Variants in CRISPLD1 observed in about 807,000 individuals in gnomAD.
The protein encoded by CRISPLD1 is cysteine rich secretory protein LCCL domain containing 1, also known as cysteine-rich secretory protein LCCL domain-containing 1.
In CRISPLD1, 60 loss-of-function variants were observed where a neutral mutation model predicts 77.5. The observed-to-expected ratio is 0.77, with a 90% CI of 0.63 to 0.96. CRISPLD1 has a LOEUF of 0.96. CRISPLD1 is among the 40% of genes least tolerant of loss of function. CRISPLD1 has a pLI of 0.00. For missense variants in CRISPLD1, 623 were observed against 615.8 expected (o/e 1.01, Z -0.12); for synonymous variants, 195 against 200.1 (o/e 0.97, Z 0.22).
Position 75,016,598 on chromosome 8 carries a change from A to G in CRISPLD1, c.761A>G (p.Glu254Gly), listed in dbSNP as rs1220907428. 4 of 1,613,466 alleles carry G rather than the reference A, an allele frequency of 2.5e-6. No individual in the cohort carries two copies. Among genetic ancestry groups the G allele is most frequent in the Non-Finnish European group, 3.4e-6 (4 of 1,179,506 alleles). ...GSDRYYPPRE[E>G]ETNEIERQQS... ...GACAGGTATTATCCCCCTCGAGAAGAGGAAACAAATGAAATAGAACGACAG... is the reference window on the plus strand; with the variant it reads ...GACAGGTATTATCCCCCTCGAGAAGGGGAAACAAATGAAATAGAACGACAG... The change falls in exon 7 of 15, where the codon GAG becomes GGG. Residue 254 changes from glutamate to glycine, a missense_variant. Physicochemically the swap from Glu to Gly is moderately conservative, Grantham distance 98. Coordinates refer to ENST00000262207, the MANE Select transcript of CRISPLD1 (RefSeq NM_031461.6).
intron 2 of CRISPLD1, among the ~76,000 whole-genome samples, chr8:74,995,017 ATATATGGAG>A (rs1812625484): frequency 6.6e-6 from 1 of 152,176 alleles, no homozygotes; most frequent in South Asian, 2.1e-4. Context: ...AAGGCAGTTA[ATATATGGAG>A]GCCAATCTTG....
intron 2 of CRISPLD1, among the ~76,000 whole-genome samples, chr8:75,008,751 C>A (rs566544327): frequency 6.6e-5 from 10 of 152,054 alleles, no homozygotes; most frequent in Non-Finnish European, 1.5e-4. Flanking sequence ...TAAATAAAAT[C>A]ATAAGTCATA....
intron 13 of CRISPLD1, among the ~76,000 whole-genome samples, chr8:75,025,988 A>G (rs1018496459): frequency 6.6e-6 from 1 of 152,186 alleles, no homozygotes. Context: ...CAATATCTTC[A>G]CTGCCAAACG....
At position 74,985,977 on chromosome 8, in the gene CRISPLD1, G is replaced by A. The variant is rs1471049933; in HGVS notation, c.-11G>A. ...GGAGATTTTCCTGGGGAAATCCTGA[G>A]GTCATTCATTATGAAGTGTACCGCG... On this transcript the variant is annotated 5_prime_UTR_variant, in exon 2 of 15. Coordinates refer to ENST00000262207, the MANE Select transcript of CRISPLD1 (RefSeq NM_031461.6). The A allele has an allele frequency of 1.2e-6, 2 of 1,605,144 alleles. No homozygotes were observed. Among genetic ancestry groups the A allele is most frequent in the African/African-American group, 1.3e-5 (1 of 74,818 alleles).
At chr8:74,996,180 G>A (rs1157114867) in intron 2 of CRISPLD1, among the ~76,000 whole-genome samples, 1 of 151,350 alleles carries the variant, frequency 6.6e-6, no homozygotes, top group African/African-American at 2.4e-5. Context: ...AATTCAAGTG[G>A]TAATGAATTA....
chr8:75,027,457 TC>T (rs1813253509), intron 13 of CRISPLD1, among the ~76,000 whole-genome samples: 1 of 152,236 alleles, frequency 6.6e-6, no homozygotes. Flanking sequence ...TGAAAGTCTT[TC>T]AAAATATCCT....
At chr8:75,023,947 T>C (rs1227853545) in intron 12 of CRISPLD1, among the ~76,000 whole-genome samples, 1 of 152,198 alleles carries the variant, frequency 6.6e-6, no homozygotes, top group African/African-American at 2.4e-5. Flanking sequence ...AAAAAGCTTT[T>C]GGTCATATTG....
chr8:74,985,563 T>C (rs1235640408), intron 1 of CRISPLD1, among the ~76,000 whole-genome samples: 1 of 152,212 alleles, frequency 6.6e-6, no homozygotes, highest in Non-Finnish European at 1.5e-5. Flanking sequence ...TCAAACGTTC[T>C]AGGTAGATAT....
intron 14 of CRISPLD1, among the ~76,000 whole-genome samples, chr8:75,031,120 A>T (rs1813335331): frequency 6.6e-6 from 1 of 152,012 alleles, no homozygotes; most frequent in Non-Finnish European, 1.5e-5. Context: ...GTTTCTCATA[A>T]ATAAAATGGC....
intron 2 of CRISPLD1, among the ~76,000 whole-genome samples, chr8:75,004,948 TACTC>T (rs1812803676): frequency 6.6e-6 from 1 of 152,166 alleles, no homozygotes; most frequent in African/African-American, 2.4e-5. Flanking sequence ...ATTATCTTCT[TACTC>T]AACTAAATGG....
chr8:75,027,192 C>T (rs986644336), intron 13 of CRISPLD1, among the ~76,000 whole-genome samples: 2 of 152,152 alleles, frequency 1.3e-5, no homozygotes, highest in African/African-American at 4.8e-5. Context: ...GTTATTCATT[C>T]ATCATTTTGT....
rs1358530184 is a variant in CRISPLD1, at chr8:75,032,627, A to G, written c.*385A>G. The G allele has an allele frequency of 1.3e-5, 2 of 155,896 alleles. No homozygotes were observed. The highest frequency in any genetic ancestry group is 2.8e-5 in the Non-Finnish European group (2 of 70,384). The allele number at this position is 155,896 out of a possible 1,614,324, so 9.7% of individuals were successfully genotyped here. A position where few individuals can be genotyped will look rare whatever the true frequency, so the allele number is the denominator to read the frequency against. ...CAGAAAATCATCTAGTGCATTTAAA[A>G]ATAATCGACTCTAAAACTGAAAGAA... On this transcript the variant is annotated 3_prime_UTR_variant, in exon 15 of 15. Coordinates refer to ENST00000262207, the MANE Select transcript of CRISPLD1 (RefSeq NM_031461.6).
intron 6 of CRISPLD1, among the ~76,000 whole-genome samples, chr8:75,016,004 A>T (rs536686495): frequency 3.2e-4 from 48 of 152,274 alleles, no homozygotes; most frequent in African/African-American, 1.2e-3. Context: ...GGAAATAAAC[A>T]TTAAATTCAA....
intron 2 of CRISPLD1, among the ~76,000 whole-genome samples, chr8:74,992,406 A>G (rs1812585652): frequency 6.6e-6 from 1 of 152,236 alleles, no homozygotes; most frequent in African/African-American, 2.4e-5. Context: ...AATTTAAATA[A>G]TAAAACAGAT....
intron 14 of CRISPLD1, among the ~76,000 whole-genome samples, chr8:75,030,180 T>G (rs1813308887): frequency 6.6e-6 from 1 of 152,082 alleles, no homozygotes; most frequent in Admixed American, 6.6e-5. Context: ...TATAGAAAAA[T>G]CCCTAACTTT....
At position 74,993,333 on chromosome 8, in the gene CRISPLD1, C is replaced by A. The variant is rs1428313157; in HGVS notation, c.258+7088C>A. On this transcript the variant is annotated intron_variant, in intron 2 of 14. Coordinates refer to ENST00000262207, the MANE Select transcript of CRISPLD1 (RefSeq NM_031461.6). ...AAAAGTTAAATATTTTTATCTCTGA[C>A]ATATAGTATCTGCACATACCTAAAG... 3.3e-5 allele frequency among the ~76,000 whole-genome samples: 5 copies of A among 152,262 alleles called. 1 individual carries two copies. In the East Asian group the frequency reaches 9.6e-4, roughly 29 times the overall value.
At chr8:75,014,699 A>G in intron 5 of CRISPLD1, 113 bp from the exon 6 acceptor site, 1 of 661,306 alleles carries the variant, frequency 1.5e-6, no homozygotes, top group Non-Finnish European at 2.5e-6. Context: ...TGAATGTCTT[A>G]AATCTATACG....
At chr8:75,022,430 C>T (rs1813151738) in intron 12 of CRISPLD1, among the ~76,000 whole-genome samples, 1 of 151,558 alleles carries the variant, frequency 6.6e-6, no homozygotes, top group Non-Finnish European at 1.5e-5. Flanking sequence ...ACTAAAAATA[C>T]AAACAAAAAT....
rs61419047 is a variant in CRISPLD1 at position 74,984,576 on chromosome 8, C to A, written c.-407C>A. On this transcript the variant is annotated 5_prime_UTR_variant, in exon 1 of 15. Coordinates refer to ENST00000262207, the MANE Select transcript of CRISPLD1 (RefSeq NM_031461.6). ...GGAGCAAGAGGTCGCCGCCAGCCTCCGCCGCCGAGCCTCGTTCGTGTCCCC... is the reference window on the plus strand; with the variant it reads ...GGAGCAAGAGGTCGCCGCCAGCCTCAGCCGCCGAGCCTCGTTCGTGTCCCC... 0.13 allele frequency: 20,279 copies of A among 152,694 alleles called. 1,546 individuals are homozygous for A. Among genetic ancestry groups the A allele is most frequent in the African/African-American group, 0.21 (8,811 of 41,554 alleles). The allele number at this position is 152,694 out of a possible 1,614,324, so 9.5% of individuals were successfully genotyped here.
Sources: allele counts gnomAD v4.1 joint callset (sites outside exome capture counted in the v4.1 genomes callset), GRCh38; gene constraint gnomAD v4.1.1; transcripts MANE v1.5; gene names NCBI Gene and HGNC (gene_info 2026-07-23, HGNC 2026-07-21).